The following DNM3 variants were observed in gnomAD, a reference collection of about 807,000 sequenced individuals.
DNM3 encodes dynamin 3, also known as dynamin-3.
DNM3 carries 47 observed loss-of-function variants against 101.6 expected under a neutral mutation model. The ratio of observed to expected loss-of-function variants is 0.46; its 90% CI spans 0.37 to 0.59. DNM3 has a LOEUF of 0.59. Ranked by LOEUF, DNM3 falls within the 20% of genes least tolerant of loss-of-function variation. DNM3 has a pLI of 0.00. For missense variants in DNM3, 849 were observed against 1,085.7 expected (o/e 0.78, Z 3.06); for synonymous variants, 385 against 387.9 (o/e 0.99, Z 0.09).
At chr1:172,284,614 AT>A (rs1424041118) in intron 15 of DNM3, among the ~76,000 whole-genome samples, 1 of 152,210 alleles carries the variant, frequency 6.6e-6, no homozygotes, top group Non-Finnish European at 1.5e-5. Context: ...CCATAGGAAC[AT>A]TATACAGAAT....
At chr1:172,137,035 T>G (rs539765644) in intron 14 of DNM3, 1 of 152,186 alleles carries the variant, frequency 6.6e-6, no homozygotes, top group Non-Finnish European at 1.5e-5. Flanking sequence ...CCGTCCTAGC[T>G]TTCCCTTTGG....
In DNM3 at chr1:172,394,339, C is replaced by T. The variant is rs573731661; in HGVS notation, c.2522+5530C>T. 28 of 152,326 alleles carry T rather than the reference C, an allele frequency of 1.8e-4. No individual in the cohort carries two copies. The East Asian group carries it at 4.6e-3, about 25-fold the overall frequency. The allele number at this position is 152,326 out of a possible 1,614,324, so 9.4% of individuals were successfully genotyped here. On this transcript the variant is annotated intron_variant, in intron 20 of 20. Transcript: ENST00000627582. ...TCAGAATCTGGGAGCTTTGCAGATGCGTCAAGGTAGCCTTCAGATTGCCTC... is the reference window on the plus strand; with the variant it reads ...TCAGAATCTGGGAGCTTTGCAGATGTGTCAAGGTAGCCTTCAGATTGCCTC...
chr1:172,264,090 A>C (rs568228711), intron 15 of DNM3, among the ~76,000 whole-genome samples: 5 of 152,232 alleles, frequency 3.3e-5, no homozygotes, highest in Non-Finnish European at 5.9e-5. Context: ...GCATCATAGA[A>C]GGTGACTTTC....
intron 2 of DNM3, among the ~76,000 whole-genome samples, chr1:171,942,009 T>C (rs1010335336): frequency 2.6e-5 from 4 of 152,194 alleles, no homozygotes; most frequent in Non-Finnish European, 4.4e-5. Context: ...GTGACTTCTT[T>C]GCATTTTCGG....
chr1:172,056,164 A>G (rs1333142546), intron 10 of DNM3, among the ~76,000 whole-genome samples: 4 of 152,226 alleles, frequency 2.6e-5, no homozygotes, highest in African/African-American at 9.6e-5. Flanking sequence ...CCACGAGATT[A>G]TATCCCGCAC....
At chr1:172,159,696 A>T (rs1038554724) in intron 14 of DNM3, among the ~76,000 whole-genome samples, 1 of 152,086 alleles carries the variant, frequency 6.6e-6, no homozygotes, top group Non-Finnish European at 1.5e-5. Flanking sequence ...CATGAAATAG[A>T]TGCAAAATAT....
At chr1:172,130,498 T>C (rs1057155173) in intron 13 of DNM3, among the ~76,000 whole-genome samples, 1 of 152,270 alleles carries the variant, frequency 6.6e-6, no homozygotes, top group Non-Finnish European at 1.5e-5. Context: ...TTTAAAAAAT[T>C]TTATGAAGAT....
intron 6 of DNM3, among the ~76,000 whole-genome samples, chr1:172,036,674 C>G (rs1406654889): frequency 2.0e-5 from 3 of 152,096 alleles, no homozygotes; most frequent in South Asian, 4.1e-4. Flanking sequence ...AAACGTTAGA[C>G]CTAAAACCAT....
At chr1:172,046,106 A>G (rs918637375) in intron 9 of DNM3, among the ~76,000 whole-genome samples, 2 of 152,282 alleles carry the variant, frequency 1.3e-5, no homozygotes, top group South Asian at 4.1e-4. Context: ...ACATGCACAC[A>G]TATGTTTATT....
At chr1:172,192,372 T>TA (rs1351786250) in intron 14 of DNM3, among the ~76,000 whole-genome samples, 2 of 151,930 alleles carry the variant, frequency 1.3e-5, no homozygotes, top group Non-Finnish European at 2.9e-5. Context: ...ATAAGCTTTT[T>TA]TTTTTTTTCT....
intron 1 of DNM3, among the ~76,000 whole-genome samples, chr1:171,847,462 G>A (rs2032295891): frequency 1.3e-5 from 2 of 152,046 alleles, no homozygotes; most frequent in Admixed American, 6.6e-5. Flanking sequence ...TGACAACAAG[G>A]CATTGAATTT....
chr1:172,095,608 C>G (rs559286423), intron 13 of DNM3, among the ~76,000 whole-genome samples: 34 of 152,222 alleles, frequency 2.2e-4, no homozygotes, highest in African/African-American at 7.9e-4. Context: ...TGGGGCCCAC[C>G]CTTCCGACTG....
intron 15 of DNM3, among the ~76,000 whole-genome samples, chr1:172,277,567 C>T (rs1260360970): frequency 6.6e-6 from 1 of 151,908 alleles, no homozygotes; most frequent in East Asian, 1.9e-4. Context: ...AAACACACTA[C>T]TGATGTACAA....
intron 14 of DNM3, among the ~76,000 whole-genome samples, chr1:172,217,253 A>C (rs1403483207): frequency 4.0e-5 from 6 of 151,290 alleles, no homozygotes; most frequent in Non-Finnish European, 8.8e-5. Flanking sequence ...GAGCTTGGGC[A>C]CTTCCACTAA....
intron 2 of DNM3, among the ~76,000 whole-genome samples, chr1:171,933,305 G>T (rs1287569575): frequency 6.6e-6 from 1 of 152,176 alleles, no homozygotes; most frequent in Non-Finnish European, 1.5e-5. Flanking sequence ...CATGCAGTTT[G>T]CTTGTGCCTT....
intron 14 of DNM3, among the ~76,000 whole-genome samples, chr1:172,212,452 A>G (rs1406157078): frequency 6.6e-6 from 1 of 152,182 alleles, no homozygotes; most frequent in Non-Finnish European, 1.5e-5. Flanking sequence ...ATTTCATATG[A>G]CGGAAAATAG....
At chr1:172,298,928 A>T (rs995241581) in intron 15 of DNM3, among the ~76,000 whole-genome samples, 14 of 152,138 alleles carry the variant, frequency 9.2e-5, no homozygotes, top group Non-Finnish European at 1.8e-4. Context: ...AGAAAAACAG[A>T]TGCATAATTC....
chr1:172,318,365 T>C (rs965411816), intron 16 of DNM3, among the ~76,000 whole-genome samples: 2 of 152,050 alleles, frequency 1.3e-5, no homozygotes, highest in Non-Finnish European at 2.9e-5. Context: ...CTATTCAACA[T>C]AGTGTTGGAA....
At chr1:172,050,001 C>T (rs752169530) in intron 10 of DNM3, among the ~76,000 whole-genome samples, 11 of 152,144 alleles carry the variant, frequency 7.2e-5, no homozygotes, top group African/African-American at 1.7e-4. Flanking sequence ...GCTCCTACTG[C>T]TCTTCCACCT....
Sources: allele counts gnomAD v4.1 joint callset (sites outside exome capture counted in the v4.1 genomes callset), GRCh38; gene constraint gnomAD v4.1.1; transcripts MANE v1.5; gene names NCBI Gene and HGNC (gene_info 2026-07-23, HGNC 2026-07-21).